Variants in SLC12A5 observed in about 807,000 individuals in gnomAD.
SLC12A5 encodes solute carrier family 12 member 5.
In SLC12A5, 18 loss-of-function variants were observed where a neutral mutation model predicts 124.0. The observed-to-expected ratio is 0.15, with a 90% CI of 0.10 to 0.22. The LOEUF is 0.22. Ranked by LOEUF, SLC12A5 falls within the 10% of genes least tolerant of loss-of-function variation. The pLI is 1.00. For missense variants in SLC12A5, 867 were observed against 1,478.7 expected, an observed-to-expected ratio of 0.59 and a Z score of 6.78; for synonymous variants, 589 against 568.0, an observed-to-expected ratio of 1.04 and a Z score of -0.53.
At position 46,029,350 on chromosome 20, in the gene SLC12A5, A is replaced by G. The variant is rs900869630; in HGVS notation, c.6A>G (p.Leu2=). 13 of 1,548,476 alleles carry G rather than the reference A, an allele frequency of 8.4e-6. No individual in the cohort carries two copies. Among genetic ancestry groups the G allele is most frequent in the Non-Finnish European group, 1.1e-5 (13 of 1,146,146 alleles). M[L]NNLTDCEDGD... ...CCAGGGGCCGCGCCGCCACCATGCT[A>G]AACAACCTGACGGACTGCGAGGACG... Residue 2 remains leucine, a synonymous_variant, in exon 1 of 26, where the codon CTA becomes CTG. Transcript: ENST00000243964.
chr20:46,030,716 T>C (rs1230693011), intron 1 of SLC12A5, among the ~76,000 whole-genome samples: 1 of 152,100 alleles, frequency 6.6e-6, no homozygotes, highest in Non-Finnish European at 1.5e-5. Flanking sequence ...ACCTTGACTC[T>C]GAGGTCCTCC....
intron 1 of SLC12A5, among the ~76,000 whole-genome samples, chr20:46,033,619 G>A (rs1210126174): frequency 6.6e-6 from 1 of 152,080 alleles, no homozygotes; most frequent in Admixed American, 6.5e-5. Context: ...ATCCACTTGA[G>A]TGCCCTACAG....
chr20:46,021,891 A>T, intron 1 of SLC12A5: 1 of 1,522,524 alleles, frequency 6.6e-7, no homozygotes, highest in Non-Finnish European at 8.8e-7. Context: ...TCAAAGGTAG[A>T]GGCCGCAGGG....
Position 46,056,763 on chromosome 20 carries a change from GA to G in SLC12A5, c.3111-131del. 8.4e-7 allele frequency: 1 copy of G among 1,188,008 alleles called. No individual in the cohort carries two copies. The allele number at this position is 1,188,008 out of a possible 1,614,324, so 73.6% of individuals were successfully genotyped here. On this transcript the variant is annotated intron_variant, in intron 23 of 25. Transcript: ENST00000243964. The surrounding 1 kb of genome is among the most constrained non-coding windows in gnomAD (Gnocchi z 4.3). ...TCAGAATTCCCAGTTGCAGGCAGCG[GA>G]AAGGTGAAGGGTGTGGGGGCTGGCA...
rs970629633 is a variant in SLC12A5, at chr20:46,035,003, G to A, written c.108G>A (p.Lys36=). 7 of 1,613,926 alleles carry A rather than the reference G, an allele frequency of 4.3e-6. No individual in the cohort carries two copies. Among genetic ancestry groups the A allele is most frequent in the South Asian group, 2.2e-5 (2 of 91,080 alleles). The change falls in exon 2 of 26, where the codon AAG becomes AAA. Residue 36 remains lysine, a synonymous_variant. Coordinates refer to ENST00000243964, the MANE Select transcript of SLC12A5 (RefSeq NM_020708.5). ...TCATCAACAGCACCGACACAGAGAA[G>A]GGAAAGGAGTATGATGGCAAGAACA... The part of the protein sequence containing the change: ...SPFINSTDTE[K]GKEYDGKNMA...
chr20:46,043,431 A>G, intron 9 of SLC12A5, 108 bp downstream of exon 9: 1 of 1,398,800 alleles, frequency 7.1e-7, no homozygotes, highest in South Asian at 1.3e-5. Flanking sequence ...TCATGAAAGC[A>G]ACCGTAACAT....
intron 1 of SLC12A5, among the ~76,000 whole-genome samples, chr20:46,033,876 C>G (rs1403941176): frequency 6.6e-6 from 1 of 152,216 alleles, no homozygotes; most frequent in Non-Finnish European, 1.5e-5. Context: ...TACTGAAAGT[C>G]TCTAACTACG....
At chr20:46,024,498 C>T (rs148615067), upstream of SLC12A5, among the ~76,000 whole-genome samples, 66 of 152,332 alleles carry the variant, frequency 4.3e-4, no homozygotes, top group African/African-American at 1.6e-3. Flanking sequence ...GTTCTTGTGT[C>T]AGCCCTCTAG....
At chr20:46,052,815 T>G in intron 18 of SLC12A5, 142 bp from the exon 19 acceptor site, 1 of 838,070 alleles carries the variant, frequency 1.2e-6, no homozygotes, top group African/African-American at 1.7e-5. Flanking sequence ...AGATGCTGGT[T>G]TTCTGACCAC....
intron 3 of SLC12A5, 107 bp from the exon 4 acceptor site, chr20:46,035,670 G>A: frequency 6.6e-7 from 1 of 1,515,344 alleles, no homozygotes; most frequent in East Asian, 2.3e-5. Context: ...GAAGGGTTGA[G>A]AATAGAGAGA....
chr20:46,031,784 G>A (rs1323504458), intron 1 of SLC12A5, among the ~76,000 whole-genome samples: 1 of 152,152 alleles, frequency 6.6e-6, no homozygotes, highest in African/African-American at 2.4e-5. Flanking sequence ...AGCTCCCAGG[G>A]GGCGGGGGCG....
intron 1 of SLC12A5, 57 bp from the exon 2 acceptor site, chr20:46,034,891 C>A: frequency 1.3e-6 from 2 of 1,517,550 alleles, no homozygotes; most frequent in Admixed American, 1.7e-5. Context: ...ACTGTATGCC[C>A]AGGTGGTTGG....
At chr20:46,030,533 C>T (rs2084440207) in intron 1 of SLC12A5, among the ~76,000 whole-genome samples, 1 of 151,336 alleles carries the variant, frequency 6.6e-6, no homozygotes, top group Admixed American at 6.6e-5. Flanking sequence ...CCCCCACTCT[C>T]CAGCGGCGCT....
chr20:46,041,335 C>T lies in SLC12A5; in HGVS notation c.861C>T (p.Cys287=), dbSNP rs375155469. The change falls in exon 8 of 26, where the codon TGC becomes TGT. Residue 287 remains cysteine, a synonymous_variant. Coordinates refer to ENST00000243964, the MANE Select transcript of SLC12A5 (RefSeq NM_020708.5). ...CCCTTGTTTCTCTCCCTAGGATCTG[C>T]CTCCTGGGTAACCGCACGCTGTCTC... ...SAFDPPNFPI[C]LLGNRTLSRH... 1 of 1,613,926 alleles carries T rather than the reference C, an allele frequency of 6.2e-7. No individual in the cohort carries two copies. The highest frequency in any genetic ancestry group is 8.5e-7 in the Non-Finnish European group (1 of 1,179,974).
Position 46,056,681 on chromosome 20 carries a change from A to T in SLC12A5, c.3110+117A>T. On this transcript the variant is annotated intron_variant, in intron 23 of 25. Coordinates refer to ENST00000243964, the MANE Select transcript of SLC12A5 (RefSeq NM_020708.5). The surrounding 1 kb of genome is among the most constrained non-coding windows in gnomAD (Gnocchi z 4.3). The stretch of plus-strand genomic sequence containing the variant: ...CTGTCAGCCTGCAGACCCAGCTCAG[A>T]CATTGTCTTGGTTTCTCCATCTGAG... 8.1e-7 allele frequency: 1 copy of T among 1,230,056 alleles called. No individual in the cohort carries two copies. Among genetic ancestry groups the T allele is most frequent in the Non-Finnish European group, 1.1e-6 (1 of 879,112 alleles). 76.2% of individuals were successfully genotyped at this position (1,230,056 alleles called of 1,614,324 possible).
intron 4 of SLC12A5, chr20:46,036,125 C>T: frequency 3.7e-6 from 2 of 546,796 alleles, no homozygotes; most frequent in Admixed American, 7.0e-5. Flanking sequence ...CAGGTTTCAC[C>T]TGGATCTCTC....
Position 46,059,356 on chromosome 20 carries a change from T to C in SLC12A5, c.*1751T>C, listed in dbSNP as rs1379041582. ...TGGGGTAGGTTTGGAGGTCTGCCAG[T>C]TACACCAAGTCCCCTCTGAGATTCG... On this transcript the variant is annotated 3_prime_UTR_variant, in exon 26 of 26. Coordinates refer to ENST00000243964, the MANE Select transcript of SLC12A5 (RefSeq NM_020708.5). 2 of 385,704 alleles carry C rather than the reference T, an allele frequency of 5.2e-6. No homozygotes were observed. The highest frequency in any genetic ancestry group is 9.1e-6 in the Non-Finnish European group (2 of 218,664). 23.9% of individuals were successfully genotyped at this position (385,704 alleles called of 1,614,324 possible). A position where few individuals can be genotyped will look rare whatever the true frequency, so the allele number is the denominator to read the frequency against.
intron 17 of SLC12A5, among the ~76,000 whole-genome samples, chr20:46,050,851 C>T (rs895451276): frequency 2.0e-5 from 3 of 152,186 alleles, no homozygotes; most frequent in East Asian, 1.9e-4. Context: ...ACATCAGGGT[C>T]GTACAATGTG....
intron 21 of SLC12A5, among the ~76,000 whole-genome samples, chr20:46,055,652 A>G (rs2084683123): frequency 6.6e-6 from 1 of 152,110 alleles, no homozygotes. Context: ...TAAGTTGCCC[A>G]GGGAATGGGT....
Sources: gnomAD v4.1 joint callset for allele counts (sites outside exome capture counted in the v4.1 genomes callset) on GRCh38, gnomAD v4.1.1 for gene constraint, Gnocchi (gnomAD v3.1) non-coding constraint, MANE v1.5 for transcripts, NCBI Gene and HGNC (gene_info 2026-07-23, HGNC 2026-07-21) for gene names.